Variants in CRACDL observed in about 807,000 individuals in gnomAD.
CRACDL encodes CRACD like.
In CRACDL, 26 loss-of-function variants were observed where a neutral mutation model predicts 70.6. The ratio of observed to expected loss-of-function variants is 0.37; its 90% confidence interval spans 0.27 to 0.51. The LOEUF (loss-of-function observed/expected upper bound fraction) is 0.51, where lower values mean the gene tolerates loss of function less well. Among genes scored for constraint, CRACDL ranks in the 20% least tolerant of loss-of-function variants. CRACDL has a pLI of 0.94. For missense variants in CRACDL, 1,283 were observed against 1,376.9 expected (o/e 0.93, Z 1.08); for synonymous variants, 618 against 615.2 (o/e 1.00, Z -0.07).
intron 8 of CRACDL, among the ~76,000 whole-genome samples, chr2:98,796,878 G>A (rs538754077): frequency 1.3e-5 from 2 of 152,190 alleles, no homozygotes; most frequent in Non-Finnish European, 2.9e-5. Context: ...TTCCAGCCCC[G>A]CAGCCCCAGG....
chr2:98,886,752 A>G (rs1001901470), intron 1 of CRACDL, among the ~76,000 whole-genome samples: 5 of 152,248 alleles, frequency 3.3e-5, no homozygotes, highest in African/African-American at 1.2e-4. Context: ...AGAAAAGTCA[A>G]TAAACAAAGA....
At chr2:98,913,043 G>C (rs910429737) in intron 1 of CRACDL, 1 of 152,168 alleles carries the variant, frequency 6.6e-6, no homozygotes, top group Non-Finnish European at 1.5e-5. Context: ...TCAGCATGTG[G>C]CAAATTCTTA....
In CRACDL at chr2:98,823,504, A is replaced by G; in HGVS notation, c.769T>C (p.Cys257Arg). ...TCGTTTTCCTCCTCCTCTGGGGTGC[A>G]CGTCAGGTCGCTCAGGGATTCAGAC... ...AQSESLSDLT[C>R]TPEEEENEEK... Residue 257 changes from cysteine to arginine, a missense_variant, in exon 7 of 10, where the codon TGC (cysteine) becomes CGC (arginine). Physicochemically the swap from Cys to Arg is radical, Grantham distance 180. This residue lies in a region of CRACDL where 362 missense variants were observed against 495.0 expected (regional missense o/e 0.73). Transcript: ENST00000397899. This position sits in a 1 kb window ranked among gnomAD's most constrained non-coding sequence, Gnocchi z 4.0. 6.3e-7 allele frequency: 1 copy of G among 1,592,386 alleles called. No homozygotes were observed. The highest frequency in any genetic ancestry group is 1.1e-5 in the South Asian group (1 of 89,772).
intron 1 of CRACDL, among the ~76,000 whole-genome samples, chr2:98,925,714 G>A (rs1708894767): frequency 1.3e-5 from 2 of 152,024 alleles, no homozygotes; most frequent in African/African-American, 4.8e-5. Context: ...TGCTAAGCCT[G>A]GGTCTTCTTA....
intron 9 of CRACDL, among the ~76,000 whole-genome samples, chr2:98,795,345 G>A (rs1399127187): frequency 6.6e-6 from 1 of 151,736 alleles, no homozygotes; most frequent in Non-Finnish European, 1.5e-5. Context: ...CAAAGTGCTG[G>A]GATTACAAGC....
intron 1 of CRACDL, among the ~76,000 whole-genome samples, chr2:98,887,077 AT>A (rs1707816919): frequency 6.6e-6 from 1 of 152,228 alleles, no homozygotes; most frequent in Admixed American, 6.5e-5. Flanking sequence ...AATTACTGAA[AT>A]TTAAAAATCA....
At chr2:98,894,984 C>T (rs1388941528) in intron 1 of CRACDL, among the ~76,000 whole-genome samples, 1 of 152,152 alleles carries the variant, frequency 6.6e-6, no homozygotes, top group Non-Finnish European at 1.5e-5. Context: ...TGGTGACATG[C>T]ACCTGTGGTC....
intron 1 of CRACDL, among the ~76,000 whole-genome samples, chr2:98,882,092 A>C (rs758104501): frequency 6.6e-6 from 1 of 152,230 alleles, no homozygotes. Context: ...TTTTCCTTTG[A>C]GTCACTGAAG....
chr2:98,850,331 C>A (rs1706431368), intron 1 of CRACDL, among the ~76,000 whole-genome samples: 1 of 152,240 alleles, frequency 6.6e-6, no homozygotes, highest in South Asian at 2.1e-4. Context: ...GGTGGAAACA[C>A]CCCACAGCTG....
intron 7 of CRACDL, among the ~76,000 whole-genome samples, chr2:98,805,007 A>C (rs960202903): frequency 6.6e-6 from 1 of 152,178 alleles, no homozygotes; most frequent in African/African-American, 2.4e-5. Context: ...TGCTGAGTCT[A>C]GACAGGAATG....
intron 1 of CRACDL, among the ~76,000 whole-genome samples, chr2:98,916,503 CTGT>C (rs1553403720): frequency 8.8e-6 from 1 of 113,544 alleles, no homozygotes; most frequent in African/African-American, 4.4e-5. Flanking sequence ...CTCAATAAAG[CTGT>C]TTTTTTTAAA....
chr2:98,871,046 C>T lies in CRACDL; in HGVS notation c.-10-24236G>A, dbSNP rs370769517. Among the ~76,000 whole-genome samples the T allele has an allele frequency of 1.2e-4, 18 of 152,350 alleles. No homozygotes were observed. In the South Asian group the frequency reaches 3.5e-3, roughly 30 times the overall value. On this transcript the variant is annotated intron_variant, in intron 1 of 9. Transcript: ENST00000397899. ...GACACCTCTCACTGCCCCTCCACCG[C>T]CTCCCAGCATGCTCTCCACAGCACG...
chr2:98,865,403 A>G (rs879301731), intron 1 of CRACDL, among the ~76,000 whole-genome samples: 8 of 152,070 alleles, frequency 5.3e-5, no homozygotes, highest in Non-Finnish European at 7.4e-5. Flanking sequence ...TTTTACATGT[A>G]TACATGTTTG....
chr2:98,841,794 A>G (rs143550671), intron 2 of CRACDL, among the ~76,000 whole-genome samples: 11 of 152,328 alleles, frequency 7.2e-5, no homozygotes, highest in African/African-American at 4.8e-5. Flanking sequence ...AGCTCTTGCC[A>G]TGACATTTAA....
intron 6 of CRACDL, among the ~76,000 whole-genome samples, chr2:98,825,757 C>T (rs1705275216): frequency 6.6e-6 from 1 of 152,230 alleles, no homozygotes; most frequent in Non-Finnish European, 1.5e-5. Flanking sequence ...TCCTAGCTGG[C>T]ACATCAGCCT....
Position 98,903,072 on chromosome 2 carries a change from G to A in CRACDL, c.-11+32866C>T, listed in dbSNP as rs1002148228. The stretch of plus-strand genomic sequence containing the variant: ...CGGGGGACCCTCATCCCTATGACCC[G>A]AGTGCTCCTGCCCATTTGCTGTGGG... On this transcript the variant is annotated intron_variant, in intron 1 of 9. Coordinates refer to ENST00000397899, the MANE Select transcript of CRACDL (RefSeq NM_207362.3). Among the ~76,000 whole-genome samples, 7 of 152,152 alleles carry A rather than the reference G, an allele frequency of 4.6e-5. No homozygotes were observed. In the East Asian group the frequency reaches 1.4e-3, roughly 29 times the overall value.
intron 1 of CRACDL, among the ~76,000 whole-genome samples, chr2:98,929,525 C>T (rs1161595393): frequency 6.6e-6 from 1 of 152,138 alleles, no homozygotes; most frequent in Admixed American, 6.5e-5. Flanking sequence ...GGGAAGAAAC[C>T]ATCCCTGAGC....
intron 1 of CRACDL, among the ~76,000 whole-genome samples, chr2:98,917,125 T>C (rs1005480791): frequency 6.6e-6 from 1 of 152,348 alleles, no homozygotes; most frequent in African/African-American, 2.4e-5. Flanking sequence ...CATTTAGCCT[T>C]AGATCATGAA....
intron 2 of CRACDL, 57 bp from the exon 3 acceptor site, chr2:98,838,344 G>C: frequency 2.1e-6 from 2 of 970,496 alleles, no homozygotes; most frequent in Non-Finnish European, 3.0e-6. Context: ...GTGTTTATGT[G>C]CATGTATGCA....
Sources: gnomAD v4.1 joint callset for allele counts (sites outside exome capture counted in the v4.1 genomes callset) on GRCh38, gnomAD v4.1.1 for gene constraint, gnomAD v4.1.1 regional missense constraint, Gnocchi (gnomAD v3.1) non-coding constraint, MANE v1.5 for transcripts, NCBI Gene and HGNC (gene_info 2026-07-23, HGNC 2026-07-21) for gene names.